SPON1: variants seen among roughly 807,000 people sequenced by gnomAD.
SPON1 encodes the protein spondin 1.
Under a neutral mutation model 111.7 loss-of-function variants are expected in SPON1, and 52 were observed. The observed-to-expected ratio is 0.47, with a 90% CI of 0.37 to 0.59. The LOEUF (loss-of-function observed/expected upper bound fraction) is 0.59. Ranked by LOEUF, SPON1 falls within the 20% of genes least tolerant of loss-of-function variation. The probability of loss-of-function intolerance (pLI) is 0.00; values close to 1 mark genes in which losing one functional copy is unlikely to be tolerated. For synonymous variants in SPON1, 410 were observed against 395.8 expected, an observed-to-expected ratio of 1.04 and a Z score of -0.43; for missense variants, 957 against 1,068.5, an observed-to-expected ratio of 0.90 and a Z score of 1.46.
rs188274938 is a variant in SPON1 at position 14,204,535 on chromosome 11, G to A, written c.826-38797G>A. 9.1e-4 allele frequency among the ~76,000 whole-genome samples: 138 copies of A among 152,064 alleles called. 2 individuals are homozygous for A. Among genetic ancestry groups the A allele is most frequent in the Non-Finnish European group, 9.0e-4 (61 of 67,968 alleles). On this transcript the variant is annotated intron_variant, in intron 6 of 15. Transcript: ENST00000576479. ...ACTCCTGGGCTCAAGTGATCCTCCC[G>A]CCTCAGCTTCTCTAAGTGCTGGGAT... is the stretch of plus-strand genomic sequence containing the variant.
At chr11:14,061,196 A>G (rs1254457384) in intron 3 of SPON1, among the ~76,000 whole-genome samples, 1 of 152,210 alleles carries the variant, frequency 6.6e-6, no homozygotes, top group Non-Finnish European at 1.5e-5. Context: ...ATAAAATTTT[A>G]TCTGCCTGAC....
chr11:14,005,371 T>G (rs1241856733), intron 2 of SPON1, among the ~76,000 whole-genome samples: 1 of 152,216 alleles, frequency 6.6e-6, no homozygotes, highest in Non-Finnish European at 1.5e-5. Flanking sequence ...TGAGATCTGC[T>G]TCTCTAAATG....
intron 2 of SPON1, among the ~76,000 whole-genome samples, chr11:13,983,823 A>C (rs782637064): frequency 6.6e-6 from 1 of 152,180 alleles, no homozygotes; most frequent in Non-Finnish European, 1.5e-5. Context: ...GAAGAAAAAA[A>C]CTCAGAGAAT....
At chr11:14,160,551 AT>A (rs1847910512) in intron 6 of SPON1, among the ~76,000 whole-genome samples, 1 of 29,756 alleles carries the variant, frequency 3.4e-5, no homozygotes, top group Non-Finnish European at 5.2e-5. Context: ...ATATATTTAT[AT>A]ATATATTTAT....
intron 6 of SPON1, among the ~76,000 whole-genome samples, chr11:14,180,849 T>TC (rs1316760221): frequency 6.6e-6 from 1 of 152,196 alleles, no homozygotes; most frequent in African/African-American, 2.4e-5. Context: ...CTTGATTTTC[T>TC]CCCCCAGCAC....
At chr11:14,067,767 A>G (rs892315993) in intron 3 of SPON1, among the ~76,000 whole-genome samples, 5 of 152,244 alleles carry the variant, frequency 3.3e-5, no homozygotes, top group African/African-American at 1.2e-4. Flanking sequence ...GAACAGGACT[A>G]TCATGACTGG....
intron 6 of SPON1, among the ~76,000 whole-genome samples, chr11:14,181,664 G>T (rs1554933700): frequency 6.6e-6 from 1 of 152,174 alleles, no homozygotes; most frequent in Non-Finnish European, 1.5e-5. Flanking sequence ...GAAGCCACCT[G>T]ACCCCAGTTC....
chr11:13,987,090 C>G (rs541404639), intron 2 of SPON1, among the ~76,000 whole-genome samples: 3 of 152,170 alleles, frequency 2.0e-5, no homozygotes, highest in East Asian at 1.9e-4. Context: ...GTAATGGGAT[C>G]GCTGGGTCAA....
At chr11:14,243,287 T>C in intron 6 of SPON1, 45 bp from the exon 7 acceptor site, 2 of 1,537,362 alleles carry the variant, frequency 1.3e-6, no homozygotes, top group Non-Finnish European at 1.8e-6. Context: ...ATTGTTCCCA[T>C]GAGCCCAGCT....
At chr11:14,144,255 C>A (rs1403698679) in intron 6 of SPON1, among the ~76,000 whole-genome samples, 1 of 151,890 alleles carries the variant, frequency 6.6e-6, no homozygotes, top group Non-Finnish European at 1.5e-5. Context: ...GGTGGGAATA[C>A]AATGGAAAGA....
chr11:14,118,454 G>T (rs902083615), intron 5 of SPON1, among the ~76,000 whole-genome samples: 3 of 152,174 alleles, frequency 2.0e-5, no homozygotes, highest in Non-Finnish European at 4.4e-5. Context: ...GTACCAGTGG[G>T]AATGAGAGTT....
rs1554942043 is a variant in SPON1, at chr11:14,262,823, G to A, written c.2108G>A (p.Gly703Asp). The A allele has an allele frequency of 4.3e-6, 7 of 1,613,916 alleles. No individual in the cohort carries two copies. The highest frequency in any genetic ancestry group is 5.1e-6 in the Non-Finnish European group (6 of 1,179,874). Residue 703 changes from glycine (G) to aspartate (D), a missense_variant, in exon 15 of 16, where the codon GGT becomes GAT. Physicochemically the swap from Gly to Asp is moderately conservative, Grantham distance 94. Around this residue, in one of 5 missense-constraint regions of SPON1, gnomAD observed 549 missense variants for 606.2 expected, o/e 0.91. Transcript: ENST00000576479. ...RMIQMEPQFG[G>D]APCPETVQRK... is the part of the protein sequence containing the mutation. ...ATCCAAATGGAGCCTCAGTTTGGAG[G>A]TGCACCCTGCCCAGAGACTGTGCAG...
At chr11:14,212,113 T>G (rs1848582768) in intron 6 of SPON1, among the ~76,000 whole-genome samples, 1 of 145,468 alleles carries the variant, frequency 6.9e-6, no homozygotes, top group African/African-American at 2.5e-5. Flanking sequence ...TGTTAGTCTT[T>G]TATTGATTTT....
chr11:13,993,808 G>C (rs1327207359), intron 2 of SPON1, among the ~76,000 whole-genome samples: 1 of 152,196 alleles, frequency 6.6e-6, no homozygotes, highest in Non-Finnish European at 1.5e-5. Flanking sequence ...TGAATATTTA[G>C]GGACAGAATT....
At chr11:14,016,535 CTATTCG>C (rs2133801438) in intron 2 of SPON1, among the ~76,000 whole-genome samples, 2 of 152,202 alleles carry the variant, frequency 1.3e-5, no homozygotes, top group Admixed American at 1.3e-4. Context: ...ACTGAACATA[CTATTCG>C]TTTATTGCAA....
intron 5 of SPON1, among the ~76,000 whole-genome samples, chr11:14,111,333 C>CAGACTCTCA (rs1849225115): frequency 6.6e-6 from 1 of 152,158 alleles, no homozygotes; most frequent in Admixed American, 6.5e-5. Flanking sequence ...GATTTTATGG[C>CAGACTCTCA]AGACTCTCAA....
chr11:14,110,692 AC>A (rs1554925370), intron 5 of SPON1, among the ~76,000 whole-genome samples: 1 of 152,188 alleles, frequency 6.6e-6, no homozygotes, highest in African/African-American at 2.4e-5. Flanking sequence ...AGGCTGAAGA[AC>A]CTGAGGTCTA....
At chr11:14,211,633 T>G (rs1554936748) in intron 6 of SPON1, among the ~76,000 whole-genome samples, 1 of 152,228 alleles carries the variant, frequency 6.6e-6, no homozygotes, top group East Asian at 1.9e-4. Context: ...TCTTATATTC[T>G]TATATTATTA....
At chr11:14,079,843 C>T in intron 4 of SPON1, 56 bp from the exon 5 acceptor site, 3 of 1,603,700 alleles carry the variant, frequency 1.9e-6, no homozygotes, top group Non-Finnish European at 2.6e-6. Context: ...GATAGCACCA[C>T]CTTATATACA....
Sources: allele counts gnomAD v4.1 joint callset (sites outside exome capture counted in the v4.1 genomes callset), GRCh38; gene constraint gnomAD v4.1.1; regional missense constraint gnomAD v4.1.1; transcripts MANE v1.5; gene names NCBI Gene and HGNC (gene_info 2026-07-23, HGNC 2026-07-21).